TNS4: variants seen among roughly 807,000 people sequenced by gnomAD.
The protein encoded by TNS4 is tensin 4, also known as tensin-4.
Under a neutral mutation model 70.4 loss-of-function variants are expected in TNS4, and 46 were observed. The observed-to-expected ratio is 0.65, with a 90% CI of 0.52 to 0.84. The LOEUF is 0.84. TNS4 is among the 40% of genes least tolerant of loss of function. TNS4 has a pLI of 0.00. For missense variants in TNS4, 863 were observed against 907.0 expected (o/e 0.95, Z 0.62); for synonymous variants, 390 against 366.6 (o/e 1.06, Z -0.73).
chr17:40,480,744 G>A lies in TNS4; in HGVS notation c.1697C>T (p.Ser566Leu), dbSNP rs200118476. 5.0e-6 allele frequency: 8 copies of A among 1,599,394 alleles called. No homozygotes were observed. The Admixed American group carries it at 5.2e-5, about 10-fold the overall frequency. ...QRELGGADGA[S>L]DSTDSPASCQ... The stretch of plus-strand genomic sequence containing the variant: ...GGAGGCTGGGCTGTCTGTAGAGTCC[G>A]AGGCCCCATCTGCACCTCCCAGTTC... Residue 566 changes from serine (S) to leucine (L), a missense_variant, in exon 9 of 13, where the codon TCG (serine) becomes TTG (leucine). By Grantham distance (145) the Ser-to-Leu change is moderately radical. Transcript: ENST00000254051.
rs991388753 is a variant in TNS4, at chr17:40,478,396, G to A, written c.1980-63C>T. The A allele has an allele frequency of 1.9e-6, 3 of 1,593,564 alleles. 1 individual carries two copies. Among genetic ancestry groups the A allele is most frequent in the Non-Finnish European group, 2.6e-6 (3 of 1,170,476 alleles). ...CGCTCCATGCCACAGGACCCTGGAG[G>A]AGCAGCAGGACTGGCCAGCTGCGTC... On this transcript the variant is annotated intron_variant, in intron 11 of 12. Coordinates refer to ENST00000254051, the MANE Select transcript of TNS4 (RefSeq NM_032865.6).
chr17:40,491,771 G>A (rs2143816959), intron 2 of TNS4, among the ~76,000 whole-genome samples: 1 of 152,324 alleles, frequency 6.6e-6, no homozygotes, highest in East Asian at 1.9e-4. Flanking sequence ...ACTGGCCTGT[G>A]GGGCAAGTCT....
rs113813155 is a variant in TNS4, at chr17:40,477,022, G to A, written c.*566C>T. On this transcript the variant is annotated 3_prime_UTR_variant, in exon 13 of 13. Coordinates refer to ENST00000254051, the MANE Select transcript of TNS4 (RefSeq NM_032865.6). ...CAGCTTGGCCTGCAGCATCCTGGCT[G>A]GGTGGACCCAAAAAGCCACCCAGAA... is the stretch of plus-strand genomic sequence containing the variant. The A allele has an allele frequency of 1.3e-5, 2 of 152,690 alleles. No individual in the cohort carries two copies. The highest frequency in any genetic ancestry group is 2.9e-5 in the Non-Finnish European group (2 of 68,316). 9.5% of individuals were successfully genotyped at this position (152,690 alleles called of 1,614,324 possible).
chr17:40,477,121 T>G lies in TNS4; in HGVS notation c.*467A>C, dbSNP rs911982180. ...CCATTCCTGTTTTGTAGTCAGTTCT[T>G]GACCATCACCAGCTGCAAGCCAGGA... On this transcript the variant is annotated 3_prime_UTR_variant, in exon 13 of 13. Coordinates refer to ENST00000254051, the MANE Select transcript of TNS4 (RefSeq NM_032865.6). The G allele has an allele frequency of 1.3e-5, 2 of 156,438 alleles. No individual in the cohort carries two copies. Among genetic ancestry groups the G allele is most frequent in the African/African-American group, 4.8e-5 (2 of 41,534 alleles). The allele number at this position is 156,438 out of a possible 1,614,324, so 9.7% of individuals were successfully genotyped here. A position where few individuals can be genotyped will look rare whatever the true frequency, so the allele number is the denominator to read the frequency against.
At chr17:40,499,443 G>A (rs990331977) in intron 1 of TNS4, among the ~76,000 whole-genome samples, 3 of 152,134 alleles carry the variant, frequency 2.0e-5, no homozygotes, top group African/African-American at 4.8e-5. Context: ...TTTTGTCTGC[G>A]GCTCGTCCTG....
At chr17:40,477,927 G>C (rs2035870077) in intron 12 of TNS4, 198 bp from the exon 13 acceptor site, 1 of 615,228 alleles carries the variant, frequency 1.6e-6, no homozygotes, top group Admixed American at 3.0e-5. Flanking sequence ...AGATTTCTGA[G>C]TTCAAGCTCT....
At chr17:40,478,182 T>C in intron 12 of TNS4, 125 bp downstream of exon 12, 1 of 1,256,728 alleles carries the variant, frequency 8.0e-7, no homozygotes, top group Non-Finnish European at 1.1e-6. Context: ...AGATGGGAGC[T>C]CCCTGAGGAC....
intron 4 of TNS4, among the ~76,000 whole-genome samples, chr17:40,486,194 G>A (rs532438124): frequency 6.6e-6 from 1 of 152,250 alleles, no homozygotes; most frequent in South Asian, 2.1e-4. Context: ...CTCAGACTCC[G>A]GGAAGGAGGG....
intron 8 of TNS4, among the ~76,000 whole-genome samples, chr17:40,481,509 C>T (rs558413777): frequency 7.2e-5 from 11 of 152,258 alleles, no homozygotes; most frequent in East Asian, 5.8e-4. Context: ...GGATTACAGG[C>T]GCCCACCACC....
chr17:40,498,278 G>A (rs1032900863), intron 1 of TNS4, among the ~76,000 whole-genome samples: 7 of 152,150 alleles, frequency 4.6e-5, no homozygotes, highest in Admixed American at 1.3e-4. Context: ...AGCTCCTTAT[G>A]GTGTGACTCT....
In TNS4 at chr17:40,477,528, G is replaced by T. The variant is rs2035863433; in HGVS notation, c.*60C>A. ...ACAAGCCACACCCATTCAGGGGGTG[G>T]AGGGGGGCTCCTTAGCGAGCCCCTG... On this transcript the variant is annotated 3_prime_UTR_variant, in exon 13 of 13. Transcript: ENST00000254051. The T allele has an allele frequency of 5.0e-6, 8 of 1,597,934 alleles. No homozygotes were observed. The highest frequency in any genetic ancestry group is 6.0e-6 in the Non-Finnish European group (7 of 1,170,168).
Position 40,496,528 on chromosome 17 carries a change from A to G in TNS4, c.-95-8T>C. ...ACCAGGAGCTCCCAGGATCTGAAAGAGTCCAAGAGTGGGAACGGAGTAATT... is the reference window on the plus strand; with the variant it reads ...ACCAGGAGCTCCCAGGATCTGAAAGGGTCCAAGAGTGGGAACGGAGTAATT... On this transcript the variant is annotated splice_region_variant and splice_polypyrimidine_tract_variant and intron_variant, in intron 1 of 12. Transcript: ENST00000254051. 1 of 1,248,912 alleles carries G rather than the reference A, an allele frequency of 8.0e-7. No individual in the cohort carries two copies. 77.4% of individuals were successfully genotyped at this position (1,248,912 alleles called of 1,614,324 possible). A position where few individuals can be genotyped will look rare whatever the true frequency, so the allele number is the denominator to read the frequency against.
In TNS4 at chr17:40,482,175, G is replaced by A. The variant is rs1392080256; in HGVS notation, c.1626C>T (p.Ser542=). 2 of 1,614,232 alleles carry A rather than the reference G, an allele frequency of 1.2e-6. No individual in the cohort carries two copies. Among genetic ancestry groups the A allele is most frequent in the East Asian group, 4.5e-5 (2 of 44,878 alleles). The change falls in exon 8 of 13, where the codon TCC becomes TCT. Residue 542 remains serine, a synonymous_variant. Transcript: ENST00000254051. ...TGCAGGGCAGGGCCAGGGCCATGATGGAATGCTGGCACACGAAGGCAGAGA... is the reference window on the plus strand; with the variant it reads ...TGCAGGGCAGGGCCAGGGCCATGATAGAATGCTGGCACACGAAGGCAGAGA... ...GSLSAFVCQH[S]IMALALPCKL... is the part of the protein sequence containing the mutation.
intron 8 of TNS4, 110 bp from the exon 9 acceptor site, chr17:40,480,878 C>T (rs1251456892): frequency 1.6e-6 from 2 of 1,235,000 alleles, no homozygotes; most frequent in Admixed American, 5.6e-5. Flanking sequence ...CCACCTCCAC[C>T]CCCATCTCCA....
intron 10 of TNS4, among the ~76,000 whole-genome samples, 173 bp from the exon 11 acceptor site, chr17:40,478,821 C>T (rs2035884634): frequency 6.6e-6 from 1 of 152,210 alleles, no homozygotes; most frequent in Admixed American, 6.5e-5. Context: ...GCGCCCCGCT[C>T]CTGCCTCTCT....
intron 6 of TNS4, 117 bp downstream of exon 6, chr17:40,484,367 G>T: frequency 6.9e-7 from 1 of 1,450,252 alleles, no homozygotes; most frequent in South Asian, 1.3e-5. Context: ...TCTCCTAGGA[G>T]CTGTTATAAG....
chr17:40,482,083 A>G (rs1461819163), intron 8 of TNS4, 46 bp downstream of exon 8: 1 of 1,605,596 alleles, frequency 6.2e-7, no homozygotes, highest in South Asian at 1.1e-5. Context: ...AATGAGAACA[A>G]ACAGGTCCCC....
At chr17:40,490,560 C>A (rs1567812876) in intron 2 of TNS4, among the ~76,000 whole-genome samples, 2 of 152,194 alleles carry the variant, frequency 1.3e-5, no homozygotes, top group Non-Finnish European at 2.9e-5. Flanking sequence ...ACTGTGGAGC[C>A]CCAGCCTGCC....
chr17:40,496,388 C>G lies in TNS4; in HGVS notation c.38G>C (p.Gly13Ala). 6.2e-7 allele frequency: 1 copy of G among 1,613,028 alleles called. No individual in the cohort carries two copies. Among genetic ancestry groups the G allele is most frequent in the Non-Finnish European group, 8.5e-7 (1 of 1,179,926 alleles). The stretch of plus-strand genomic sequence containing the variant: ...ACAAGGCGCCAAGCTGACAGCATGG[C>G]CTCCTGCCAGCAGTGGGCTGGACAT... ...QVMSSPLLAG[G>A]HAVSLAPCDE... Residue 13 changes from glycine to alanine, a missense_variant, in exon 2 of 13, where the codon GGC becomes GCC. Gly to Ala is a moderately conservative substitution (Grantham distance 60). Transcript: ENST00000254051.
Sources: gnomAD v4.1 joint callset for allele counts (sites outside exome capture counted in the v4.1 genomes callset) on GRCh38, gnomAD v4.1.1 for gene constraint, MANE v1.5 for transcripts, NCBI Gene and HGNC (gene_info 2026-07-23, HGNC 2026-07-21) for gene names.